The following SUGCT variants were observed in gnomAD, a reference collection of about 807,000 sequenced individuals.
SUGCT encodes the protein succinyl-CoA:glutarate CoA-transferase.
Under a neutral mutation model 55.0 loss-of-function variants are expected in SUGCT, and 41 were observed. The observed-to-expected ratio is 0.74, with a 90% CI of 0.58 to 0.97. The LOEUF is 0.97. SUGCT is among the 50% of genes least tolerant of loss of function. The pLI, the probability that SUGCT is intolerant of heterozygous loss-of-function variation, is 0.00. For missense variants in SUGCT, 568 were observed against 547.8 expected, an observed-to-expected ratio of 1.04 and a Z score of -0.37; for synonymous variants, 187 against 200.4, an observed-to-expected ratio of 0.93 and a Z score of 0.56.
intron 9 of SUGCT, among the ~76,000 whole-genome samples, chr7:40,390,313 G>T (rs1271059133): frequency 6.6e-6 from 1 of 152,096 alleles, no homozygotes; most frequent in Non-Finnish European, 1.5e-5. Flanking sequence ...AGAAATAAAC[G>T]GTATTCAATT....
At chr7:40,942,493 T>G in the SUGCT span, among the ~76,000 whole-genome samples, 1 of 152,116 alleles carries the variant, frequency 6.6e-6, no homozygotes, top group Admixed American at 6.6e-5. Context: ...TACTCATAAT[T>G]CTTTCCTTTA....
rs1788877387 is a variant in SUGCT at position 40,767,722 on chromosome 7, A to G, written c.1153+18225A>G. On this transcript the variant is annotated intron_variant, in intron 13 of 13. Coordinates refer to ENST00000335693, the MANE Select transcript of SUGCT (RefSeq NM_001193313.2). ...CACAGAGATCGTAGGTTCAAGAAAC[A>G]TCACAGAATCCTAGCAAATAGGTAA... is the stretch of plus-strand genomic sequence containing the variant. Among the ~76,000 whole-genome samples the G allele has an allele frequency of 3.3e-5, 5 of 152,238 alleles. No individual in the cohort carries two copies. In the South Asian group the frequency reaches 1.0e-3, roughly 31 times the overall value.
At chr7:40,926,804 C>T in the SUGCT span, among the ~76,000 whole-genome samples, 8 of 152,328 alleles carry the variant, frequency 5.3e-5, 1 homozygote, top group African/African-American at 1.9e-4. Flanking sequence ...AATGTCTATT[C>T]TTTAAGCCAC....
intron 1 of SUGCT, among the ~76,000 whole-genome samples, chr7:40,165,310 A>G (rs1163380425): frequency 1.3e-5 from 2 of 152,080 alleles, no homozygotes; most frequent in East Asian, 3.8e-4. Flanking sequence ...TGTCACACAG[A>G]TGAACCACTT....
intron 1 of SUGCT, among the ~76,000 whole-genome samples, chr7:40,148,064 G>T (rs2150596433): frequency 6.6e-6 from 1 of 152,062 alleles, no homozygotes; most frequent in East Asian, 1.9e-4. Context: ...ACTCTGATTG[G>T]CTAATTTAAA....
chr7:40,889,751 C>T, the SUGCT span, among the ~76,000 whole-genome samples: 5 of 152,280 alleles, frequency 3.3e-5, no homozygotes, highest in African/African-American at 7.2e-5. Context: ...ACAGTTCTCA[C>T]GGTTCTATTC....
intron 13 of SUGCT, among the ~76,000 whole-genome samples, chr7:40,771,370 A>G (rs1471081673): frequency 2.6e-5 from 4 of 152,230 alleles, no homozygotes; most frequent in Non-Finnish European, 5.9e-5. Context: ...GTAGACTGAT[A>G]GTCAAATTGA....
At chr7:40,639,203 T>G (rs1183406939) in intron 12 of SUGCT, among the ~76,000 whole-genome samples, 1 of 152,224 alleles carries the variant, frequency 6.6e-6, no homozygotes, top group Non-Finnish European at 1.5e-5. Flanking sequence ...TTAGTACTCC[T>G]TGTAGGTCTG....
chr7:40,929,730 T>A, the SUGCT span, among the ~76,000 whole-genome samples: 1 of 152,270 alleles, frequency 6.6e-6, no homozygotes, highest in Non-Finnish European at 1.5e-5. Flanking sequence ...TTTTGAGAAC[T>A]GTCTGTTCAT....
At chr7:40,865,443 C>T (rs1231500236), downstream of SUGCT, among the ~76,000 whole-genome samples, 2 of 152,274 alleles carry the variant, frequency 1.3e-5, no homozygotes, top group South Asian at 2.1e-4. Flanking sequence ...TGAAAGGGTA[C>T]TCCAAATGCT....
chr7:40,915,144 T>G, the SUGCT span, among the ~76,000 whole-genome samples: 1 of 152,154 alleles, frequency 6.6e-6, no homozygotes, highest in Non-Finnish European at 1.5e-5. Context: ...TGACCCACAT[T>G]CTTAAGGTGC....
intron 12 of SUGCT, among the ~76,000 whole-genome samples, chr7:40,678,059 A>G (rs999676935): frequency 1.3e-5 from 2 of 152,210 alleles, no homozygotes; most frequent in Non-Finnish European, 2.9e-5. Context: ...TCCTCCAGAG[A>G]AAATGATTCA....
chr7:40,487,745 A>G (rs1018454451), intron 11 of SUGCT, among the ~76,000 whole-genome samples: 2 of 152,042 alleles, frequency 1.3e-5, no homozygotes, highest in African/African-American at 4.8e-5. Context: ...AAGTGACTCC[A>G]TTATTATTAT....
chr7:40,772,652 CAG>C (rs2128729817), intron 13 of SUGCT, among the ~76,000 whole-genome samples: 1 of 146,334 alleles, frequency 6.8e-6, no homozygotes, highest in Admixed American at 6.8e-5. Flanking sequence ...ACTTTTGAGA[CAG>C]GGTCTCACTC....
At chr7:40,977,974 C>T in the SUGCT span, among the ~76,000 whole-genome samples, 8 of 152,128 alleles carry the variant, frequency 5.3e-5, no homozygotes, top group Non-Finnish European at 7.3e-5. Flanking sequence ...CTTGGGGCTG[C>T]GATTCAATTT....
chr7:40,950,609 T>C, the SUGCT span, among the ~76,000 whole-genome samples: 6 of 152,176 alleles, frequency 3.9e-5, no homozygotes, highest in Non-Finnish European at 7.3e-5. Context: ...TAAATAGCTC[T>C]TATTATTTTG....
intron 12 of SUGCT, among the ~76,000 whole-genome samples, chr7:40,526,211 G>A (rs989396725): frequency 5.9e-5 from 9 of 152,026 alleles, no homozygotes; most frequent in African/African-American, 1.9e-4. Flanking sequence ...TTTTTTCTTT[G>A]TTAATTCTTT....
chr7:40,470,802 A>G (rs1188445016), intron 11 of SUGCT, among the ~76,000 whole-genome samples: 3 of 151,738 alleles, frequency 2.0e-5, no homozygotes, highest in Non-Finnish European at 4.4e-5. Flanking sequence ...TCTGTCACAC[A>G]TACACAGAAT....
At chr7:40,908,749 T>C in the SUGCT span, among the ~76,000 whole-genome samples, 5 of 152,208 alleles carry the variant, frequency 3.3e-5, no homozygotes, top group African/African-American at 1.2e-4. Flanking sequence ...AAATAAACTT[T>C]GGAAGATTCT....
Sources: gnomAD v4.1 joint callset for allele counts (sites outside exome capture counted in the v4.1 genomes callset) on GRCh38, gnomAD v4.1.1 for gene constraint, MANE v1.5 for transcripts, NCBI Gene and HGNC (gene_info 2026-07-23, HGNC 2026-07-21) for gene names.